ZNF816: variants seen among roughly 807,000 people sequenced by gnomAD.
ZNF816 encodes zinc finger protein 816.
A neutral mutation model predicts 8.3 loss-of-function variants in ZNF816; 11 were observed. The observed-to-expected ratio is 1.32, with a 90% CI of 0.83 to 2.19. ZNF816 has a LOEUF of 2.19. Ranked by LOEUF, ZNF816 falls within the 30% of genes most tolerant of loss-of-function variation. The pLI is 0.00. For synonymous variants in ZNF816, 255 were observed against 254.5 expected (o/e 1.00, Z -0.02); for missense variants, 710 against 779.3 (o/e 0.91, Z 1.06).
At chr19:52,956,342 A>T in intron 1 of ZNF816, 1 of 424,470 alleles carries the variant, frequency 2.4e-6, no homozygotes, top group Non-Finnish European at 4.3e-6. Flanking sequence ...GCAGCAGGAC[A>T]CAGATCTTCA....
At chr19:52,954,521 AATATC>A (rs2083492593) in intron 2 of ZNF816, among the ~76,000 whole-genome samples, 1 of 152,030 alleles carries the variant, frequency 6.6e-6, no homozygotes, top group African/African-American at 2.4e-5. Context: ...TGCAGGATAA[AATATC>A]ATAACAAACA....
At chr19:52,956,990 G>A (rs1011063859) in intron 1 of ZNF816, among the ~76,000 whole-genome samples, 2 of 152,190 alleles carry the variant, frequency 1.3e-5, no homozygotes, top group Non-Finnish European at 2.9e-5. Context: ...GCTGATGCAC[G>A]TAGTGTCAAG....
chr19:52,950,203 A>G lies in ZNF816; in HGVS notation c.1572T>C (p.Leu524=), dbSNP rs372700528. Residue 524 remains leucine (L), a synonymous_variant, in exon 4 of 4, where the codon CTT becomes CTC. Coordinates refer to ENST00000444460, the MANE Select transcript of ZNF816 (RefSeq NM_001202457.3). ...CDKVFSRRSH[L]ERHRRIHTGE... ...CAGTATGAATTCTCCTATGTCTTTC[A>G]AGGTGTGATCTGCGACTGAAAACTT... The G allele has an allele frequency of 1.2e-6, 2 of 1,613,796 alleles. No individual in the cohort carries two copies. Among genetic ancestry groups the G allele is most frequent in the African/African-American group, 2.7e-5 (2 of 74,824 alleles).
At chr19:52,953,255 T>A (rs1289443141) in intron 2 of ZNF816, 4 of 271,414 alleles carry the variant, frequency 1.5e-5, no homozygotes. Flanking sequence ...AAACCAGGTG[T>A]GGTGGCACAC....
chr19:52,955,029 C>G (rs2122157361), intron 2 of ZNF816, among the ~76,000 whole-genome samples: 2 of 152,038 alleles, frequency 1.3e-5, no homozygotes, highest in Middle Eastern at 6.8e-3. Flanking sequence ...ATATATACAT[C>G]ATGTGATGTT....
At chr19:52,951,910 G>A (rs992507941) in intron 3 of ZNF816, 3 of 418,148 alleles carry the variant, frequency 7.2e-6, no homozygotes, top group Non-Finnish European at 1.3e-5. Context: ...AAAAAAAAAA[G>A]AGTTCAGTCA....
chr19:52,961,915 T>C (rs545059117), intron 1 of ZNF816, among the ~76,000 whole-genome samples: 11 of 152,114 alleles, frequency 7.2e-5, no homozygotes, highest in Non-Finnish European at 1.3e-4. Flanking sequence ...AGGCCCAAAC[T>C]AGCAACTTCT....
In ZNF816 at chr19:52,955,613, T is replaced by C. The variant is rs1406541496; in HGVS notation, c.63+414A>G. Among the ~76,000 whole-genome samples the C allele has an allele frequency of 2.0e-5, 3 of 152,342 alleles. No homozygotes were observed. In the East Asian group the frequency reaches 5.8e-4, roughly 29 times the overall value. On this transcript the variant is annotated intron_variant, in intron 2 of 3. Transcript: ENST00000444460. The stretch of plus-strand genomic sequence containing the variant: ...TCAGACACAAAATATCTCCCCTAGT[T>C]TGTCTCCTCTTCCAGAATTTACCAG...
intron 1 of ZNF816, among the ~76,000 whole-genome samples, chr19:52,961,839 G>C (rs74505432): frequency 0.015 from 2,322 of 152,278 alleles, 65 homozygotes; most frequent in African/African-American, 0.052. Flanking sequence ...GTTGGAGACC[G>C]ATGGCCTCAG....
chr19:52,953,392 C>CAA (rs572790920), intron 2 of ZNF816: 55,087 of 130,710 alleles, frequency 0.42, 13,260 homozygotes, highest in African/African-American at 0.72. Flanking sequence ...GACTCCATCT[C>CAA]AAAAAAAAAA....
At chr19:52,953,129 C>G (rs1018126472) in intron 2 of ZNF816, among the ~76,000 whole-genome samples, 2 of 151,814 alleles carry the variant, frequency 1.3e-5, no homozygotes, top group Non-Finnish European at 1.5e-5. Flanking sequence ...GGAATGGTGG[C>G]TCATGCCTAA....
At chr19:52,959,247 T>C (rs2083536026) in intron 1 of ZNF816, among the ~76,000 whole-genome samples, 1 of 152,244 alleles carries the variant, frequency 6.6e-6, no homozygotes, top group Non-Finnish European at 1.5e-5. Context: ...CATTGGCTAA[T>C]GAATGCTAGA....
chr19:52,950,095 A>G lies in ZNF816; in HGVS notation c.1680T>C (p.Thr560=). 6.2e-7 allele frequency: 1 copy of G among 1,614,120 alleles called. No individual in the cohort carries two copies. The highest frequency in any genetic ancestry group is 2.2e-5 in the East Asian group (1 of 44,872). ...SCLANHTRVH[T]GEKPYKCNKC... is the part of the protein sequence containing the mutation. ...TATTACACTTGTAAGGTTTCTCTCC[A>G]GTATGAACTCTCGTATGGTTTGCAA... The change falls in exon 4 of 4, where the codon ACT becomes ACC. Residue 560 remains threonine (T), a synonymous_variant. Coordinates refer to ENST00000444460, the MANE Select transcript of ZNF816 (RefSeq NM_001202457.3).
In ZNF816 at chr19:52,956,061, C is replaced by T; in HGVS notation, c.29G>A (p.Ser10Asn). The change falls in exon 2 of 4, where the codon AGC (serine) becomes AAC (asparagine). Residue 10 changes from serine to asparagine, a missense_variant. Ser to Asn is a conservative substitution (Grantham distance 46, BLOSUM62 1). Coordinates refer to ENST00000444460, the MANE Select transcript of ZNF816 (RefSeq NM_001202457.3). The stretch of plus-strand genomic sequence containing the variant: ...AGCCATCCCTGGCTCCTTTTCTTTG[C>T]TCTTCTTGGTGGCTTCCTCACGTAA... MLREEATKK[S>N]KEKEPGMALP... 1 of 1,611,872 alleles carries T rather than the reference C, an allele frequency of 6.2e-7. No individual in the cohort carries two copies. The highest frequency in any genetic ancestry group is 8.5e-7 in the Non-Finnish European group (1 of 1,179,446).
rs1037818867 is a variant in ZNF816 at position 52,951,745 on chromosome 19, A to G, written c.191-161T>C. ...ACACACTGTCTCTACTGAACATACA[A>G]AAATTAGCCAGTCATGGTGGTGGGT... On this transcript the variant is annotated intron_variant, in intron 3 of 3. Coordinates refer to ENST00000444460, the MANE Select transcript of ZNF816 (RefSeq NM_001202457.3). The G allele has an allele frequency of 2.1e-5, 15 of 709,018 alleles. No homozygotes were observed. In the South Asian group the frequency reaches 4.2e-4, roughly 20 times the overall value. 43.9% of individuals were successfully genotyped at this position (709,018 alleles called of 1,614,324 possible). A position where few individuals can be genotyped will look rare whatever the true frequency, so the allele number is the denominator to read the frequency against.
chr19:52,954,170 C>T (rs1192834698), intron 2 of ZNF816, among the ~76,000 whole-genome samples: 1 of 151,438 alleles, frequency 6.6e-6, no homozygotes, highest in East Asian at 2.0e-4. Flanking sequence ...GGTGGATAAC[C>T]TAAAGTCAGG....
intron 2 of ZNF816, chr19:52,953,403 AG>A (rs1348210529): frequency 1.1e-5 from 2 of 176,958 alleles, no homozygotes; most frequent in Non-Finnish European, 2.4e-5. Flanking sequence ...AAAAAAAAAA[AG>A]AAAAAAAATA....
chr19:52,961,308 T>G (rs1180427494), intron 1 of ZNF816, among the ~76,000 whole-genome samples: 1 of 152,092 alleles, frequency 6.6e-6, no homozygotes, highest in East Asian at 1.9e-4. Context: ...ACAAGAAACT[T>G]TAAATTTGAT....
intron 2 of ZNF816, 70 bp downstream of exon 2, chr19:52,955,957 T>C (rs560479529): frequency 2.2e-4 from 338 of 1,551,322 alleles, no homozygotes; most frequent in Non-Finnish European, 2.6e-4. Context: ...TCAGAGAAGA[T>C]TGGCTACTAC....
Sources: gnomAD v4.1 joint callset for allele counts (sites outside exome capture counted in the v4.1 genomes callset) on GRCh38, gnomAD v4.1.1 for gene constraint, MANE v1.5 for transcripts, NCBI Gene and HGNC (gene_info 2026-07-23, HGNC 2026-07-21) for gene names.